The following DENND1A variants were observed in gnomAD, a reference collection of about 807,000 sequenced individuals.
DENND1A encodes DENN domain-containing protein 1A.
In DENND1A, 51 loss-of-function variants were observed where a neutral mutation model predicts 113.7. The observed-to-expected ratio is 0.45, with a 90% CI of 0.36 to 0.57. DENND1A has a LOEUF of 0.57. Among genes scored for constraint, DENND1A ranks in the 20% least tolerant of loss-of-function variants. DENND1A has a pLI of 0.00. For synonymous variants in DENND1A, 565 were observed against 570.8 expected (o/e 0.99, Z 0.14); for missense variants, 1,258 against 1,395.9 (o/e 0.90, Z 1.57).
chr9:123,641,789 C>G (rs531505439), intron 9 of DENND1A, among the ~76,000 whole-genome samples: 39 of 152,322 alleles, frequency 2.6e-4, no homozygotes, highest in Admixed American at 2.4e-3. Context: ...GGTTCCAAAT[C>G]AGGCTGTGTA....
intron 2 of DENND1A, among the ~76,000 whole-genome samples, chr9:123,794,102 G>A (rs1299555758): frequency 6.6e-6 from 1 of 152,174 alleles, no homozygotes; most frequent in African/African-American, 2.4e-5. Flanking sequence ...CCTGTCTTTG[G>A]CCTGAAGGAC....
intron 5 of DENND1A, among the ~76,000 whole-genome samples, chr9:123,702,527 TCAAAGA>T (rs1262866949): frequency 6.6e-6 from 1 of 151,828 alleles, no homozygotes; most frequent in African/African-American, 2.4e-5. Flanking sequence ...CTGTCAAAGA[TCAAAGA>T]CAAAGAGAAA....
intron 6 of DENND1A, among the ~76,000 whole-genome samples, chr9:123,674,797 T>C (rs1432834155): frequency 6.6e-6 from 1 of 152,086 alleles, no homozygotes; most frequent in Non-Finnish European, 1.5e-5. Context: ...AATCACATGT[T>C]TTAAAAAGTG....
intron 2 of DENND1A, among the ~76,000 whole-genome samples, chr9:123,864,860 T>C (rs566756389): frequency 8.1e-4 from 123 of 152,318 alleles, no homozygotes; most frequent in African/African-American, 2.8e-3. Flanking sequence ...AACTCATTTA[T>C]TGGTCCAACA....
intron 11 of DENND1A, among the ~76,000 whole-genome samples, chr9:123,595,842 C>T: frequency 6.6e-6 from 1 of 152,166 alleles, no homozygotes; most frequent in South Asian, 2.1e-4. Context: ...TTCTGCCAGT[C>T]CTCCTAGCAA....
chr9:123,737,603 C>T (rs967639525), intron 5 of DENND1A, among the ~76,000 whole-genome samples: 1 of 152,146 alleles, frequency 6.6e-6, no homozygotes, highest in Non-Finnish European at 1.5e-5. Flanking sequence ...TTTTTGTACA[C>T]ATTCCTCGAT....
At chr9:123,888,961 TG>T (rs1849507999) in intron 1 of DENND1A, among the ~76,000 whole-genome samples, 3 of 45,292 alleles carry the variant, frequency 6.6e-5, no homozygotes, top group Admixed American at 2.8e-4. Flanking sequence ...TTAAACTGTG[TG>T]TGTGTGTGTG....
At chr9:123,513,105 A>C (rs1392803059) in intron 13 of DENND1A, among the ~76,000 whole-genome samples, 3 of 152,218 alleles carry the variant, frequency 2.0e-5, no homozygotes, top group Non-Finnish European at 4.4e-5. Flanking sequence ...AGGCCTGTTT[A>C]CCTGTTGGCC....
chr9:123,770,211 G>A (rs1829506012), intron 3 of DENND1A, among the ~76,000 whole-genome samples: 1 of 152,064 alleles, frequency 6.6e-6, no homozygotes, highest in African/African-American at 2.4e-5. Flanking sequence ...CACCATATTT[G>A]AACATACTCA....
At position 123,841,099 on chromosome 9, in the gene DENND1A, G is replaced by A. The variant is rs376336748; in HGVS notation, c.88+37852C>T. On this transcript the variant is annotated intron_variant, in intron 2 of 23. Coordinates refer to ENST00000394215, the MANE Select transcript of DENND1A (RefSeq NM_001352964.2). ...TTCTGCAACCCATTTTGTGCTAAGT[G>A]AAATCTTAAACCAAATGTGATAATT... Among the ~76,000 whole-genome samples, 4 of 152,226 alleles carry A rather than the reference G, an allele frequency of 2.6e-5. No individual in the cohort carries two copies. The South Asian group carries it at 6.2e-4, about 24-fold the overall frequency.
intron 5 of DENND1A, among the ~76,000 whole-genome samples, chr9:123,717,137 C>G (rs896291497): frequency 2.6e-5 from 4 of 152,086 alleles, no homozygotes; most frequent in Non-Finnish European, 2.9e-5. Context: ...GCCAGGCAAC[C>G]CAGATACTAC....
chr9:123,387,062 A>C (rs2042603023), intron 22 of DENND1A, among the ~76,000 whole-genome samples: 1 of 152,254 alleles, frequency 6.6e-6, no homozygotes, highest in Admixed American at 6.5e-5. Flanking sequence ...CGTGTTAACA[A>C]GGGCAGACAG....
intron 5 of DENND1A, among the ~76,000 whole-genome samples, chr9:123,734,530 G>C (rs79255064): frequency 0.017 from 2,562 of 152,194 alleles, 68 homozygotes; most frequent in African/African-American, 0.058. Context: ...CTTAGCCTAA[G>C]TCAAATAAGG....
chr9:123,787,000 G>C lies in DENND1A; in HGVS notation c.132+5587C>G, dbSNP rs962679346. Among the ~76,000 whole-genome samples, 6 of 152,096 alleles carry C rather than the reference G, an allele frequency of 3.9e-5. No individual in the cohort carries two copies. In the South Asian group the frequency reaches 1.2e-3, roughly 32 times the overall value. On this transcript the variant is annotated intron_variant, in intron 3 of 23. Coordinates refer to ENST00000394215, the MANE Select transcript of DENND1A (RefSeq NM_001352964.2). The stretch of plus-strand genomic sequence containing the variant: ...CCAAGTTCAATTCCATTCTTTGTGA[G>C]CTTGGTGAATACAAGGCCCCAAGGA...
chr9:123,685,421 C>T (rs145270060), intron 5 of DENND1A, among the ~76,000 whole-genome samples: 15 of 152,292 alleles, frequency 9.8e-5, no homozygotes, highest in East Asian at 3.9e-4. Context: ...TATATCTATG[C>T]AGGAAAATAT....
chr9:123,525,799 C>T (rs59776469), intron 13 of DENND1A, among the ~76,000 whole-genome samples: 7,307 of 139,940 alleles, frequency 0.052, 330 homozygotes, highest in African/African-American at 0.13. Flanking sequence ...CGCTCTGTGA[C>T]GTAGGCTGGA....
chr9:123,449,154 A>C (rs1299506326), intron 18 of DENND1A, among the ~76,000 whole-genome samples: 1 of 152,202 alleles, frequency 6.6e-6, no homozygotes, highest in African/African-American at 2.4e-5. Flanking sequence ...CTGTTTACTC[A>C]TGAAATGGGA....
chr9:123,707,813 GA>G (rs1310071093), intron 5 of DENND1A, among the ~76,000 whole-genome samples: 2 of 152,176 alleles, frequency 1.3e-5, no homozygotes, highest in Non-Finnish European at 2.9e-5. Flanking sequence ...ATTAGTTCAA[GA>G]GGATGTTTTC....
intron 2 of DENND1A, among the ~76,000 whole-genome samples, chr9:123,793,653 C>T (rs1234930878): frequency 6.6e-6 from 1 of 152,132 alleles, no homozygotes; most frequent in Non-Finnish European, 1.5e-5. Flanking sequence ...AATTTACATC[C>T]TTGTGAAAAT....
Sources: gnomAD v4.1 joint callset for allele counts (sites outside exome capture counted in the v4.1 genomes callset) on GRCh38, gnomAD v4.1.1 for gene constraint, MANE v1.5 for transcripts, NCBI Gene and HGNC (gene_info 2026-07-23, HGNC 2026-07-21) for gene names.